Variants in SQSTM1 observed in about 807,000 individuals in gnomAD.
SQSTM1 encodes the protein sequestosome-1.
A neutral mutation model predicts 45.1 loss-of-function variants in SQSTM1; 36 were observed. The observed-to-expected ratio is 0.80, with a 90% CI of 0.61 to 1.05. The LOEUF (loss-of-function observed/expected upper bound fraction) is 1.05. SQSTM1 is among the 50% of genes least tolerant of loss of function. The probability of loss-of-function intolerance (pLI) is 0.00; values close to 1 mark genes in which losing one functional copy is unlikely to be tolerated. For missense variants in SQSTM1, 617 were observed against 607.1 expected (o/e 1.02, Z -0.17); for synonymous variants, 290 against 244.3 (o/e 1.19, Z -1.74).
chr5:179,809,041 T>TA (rs1442448930), intron 1 of SQSTM1, among the ~76,000 whole-genome samples: 3 of 150,054 alleles, frequency 2.0e-5, no homozygotes, highest in Non-Finnish European at 3.0e-5. Flanking sequence ...GTATTTTTAT[T>TA]AGAGACGGGG....
At position 179,837,780 on chromosome 5, in the gene SQSTM1, G is replaced by A; in HGVS notation, c.*1187G>A. The A allele has an allele frequency of 5.6e-6, 9 of 1,614,186 alleles. No individual in the cohort carries two copies. Among genetic ancestry groups the A allele is most frequent in the Non-Finnish European group, 7.6e-6 (9 of 1,180,026 alleles). ...GTAACCTGCTGGATGGGACTCCATA[G>A]CTCCTTCCCAGGACCCCTCAGCTCC... On this transcript the variant is annotated 3_prime_UTR_variant, in exon 8 of 8. Transcript: ENST00000389805.
intron 2 of SQSTM1, chr5:179,823,543 T>C: frequency 2.7e-6 from 1 of 374,612 alleles, no homozygotes; most frequent in Non-Finnish European, 4.9e-6. Context: ...AGGGATGGGG[T>C]CTGGTGCCGT....
At chr5:179,829,819 G>C (rs1192423393) in intron 5 of SQSTM1, among the ~76,000 whole-genome samples, 1 of 152,086 alleles carries the variant, frequency 6.6e-6, no homozygotes, top group East Asian at 1.9e-4. Context: ...CTTGGCACCA[G>C]GCATGGTGGC....
intron 5 of SQSTM1, among the ~76,000 whole-genome samples, chr5:179,827,779 G>C (rs538137727): frequency 6.6e-6 from 1 of 152,356 alleles, no homozygotes; most frequent in Non-Finnish European, 1.5e-5. Context: ...TTCTTTATGA[G>C]GAACTATAAG....
chr5:179,818,012 CAAAAAAAA>C (rs528143529), upstream of SQSTM1, among the ~76,000 whole-genome samples: 21 of 29,188 alleles, frequency 7.2e-4, 1 homozygote, highest in South Asian at 5.4e-3. Context: ...GAGACTGTCT[CAAAAAAAA>C]AAAAAAAAAA....
At chr5:179,833,859 C>T in intron 7 of SQSTM1, 77 bp downstream of exon 7, 4 of 1,501,458 alleles carry the variant, frequency 2.7e-6, no homozygotes, top group Non-Finnish European at 3.7e-6. Flanking sequence ...ATTTCAGCGA[C>T]ACAAACAGAA....
intron 5 of SQSTM1, among the ~76,000 whole-genome samples, chr5:179,825,790 G>T (rs1353125351): frequency 6.6e-6 from 1 of 152,068 alleles, no homozygotes; most frequent in African/African-American, 2.4e-5. Flanking sequence ...GGTGCCACCT[G>T]ACCCCAGGCA....
chr5:179,833,304 T>TGCACCTCCGCCTCATCCTCA, intron 6 of SQSTM1, 58 bp downstream of exon 6: 1 of 1,477,030 alleles, frequency 6.8e-7, no homozygotes. Context: ...ATCTGTGGCC[T>TGCACCTCCGCCTCATCCTCA]GCACCTCCGC....
At chr5:179,834,102 G>A (rs995452982) in intron 7 of SQSTM1, among the ~76,000 whole-genome samples, 15 of 151,196 alleles carry the variant, frequency 9.9e-5, no homozygotes, top group African/African-American at 3.2e-4. Flanking sequence ...GGCAGCACTG[G>A]GTGTGTCCCT....
At chr5:179,828,109 TAA>T (rs1561601204) in intron 5 of SQSTM1, among the ~76,000 whole-genome samples, 3 of 152,154 alleles carry the variant, frequency 2.0e-5, no homozygotes. Flanking sequence ...GTCTTTTTTT[TAA>T]GTGAAAGCAC....
intron 5 of SQSTM1, 76 bp from the exon 6 acceptor site, chr5:179,832,956 C>T: frequency 6.7e-7 from 1 of 1,481,572 alleles, no homozygotes; most frequent in Non-Finnish European, 9.4e-7. Context: ...TCTGTAGTCT[C>T]CACAGGCCAA....
In SQSTM1 at chr5:179,824,182, G is replaced by T; in HGVS notation, c.532G>T (p.Gly178Cys). ...FPSPFGHLSE[G>C]FSHSRWLRKV... The stretch of plus-strand genomic sequence containing the variant: ...GCCGCTCTGCTAATTCCTCCCCCAG[G>T]GCTTCTCGCACAGCCGCTGGCTCCG... The change falls in exon 4 of 8, where the codon GGC becomes TGC. Residue 178 changes from glycine to cysteine, a missense_variant and splice_region_variant. Transcript: ENST00000389805. The T allele has an allele frequency of 6.2e-7, 1 of 1,613,788 alleles. No homozygotes were observed.
chr5:179,832,919 G>A, intron 5 of SQSTM1, 113 bp from the exon 6 acceptor site: 5 of 1,079,100 alleles, frequency 4.6e-6, no homozygotes, highest in Non-Finnish European at 7.1e-6. Flanking sequence ...GCTGCTTGTG[G>A]GGACTGAACG....
In SQSTM1 at chr5:179,836,697, T is replaced by G. The variant is rs1160928698; in HGVS notation, c.*104T>G. On this transcript the variant is annotated 3_prime_UTR_variant, in exon 8 of 8. Coordinates refer to ENST00000389805, the MANE Select transcript of SQSTM1 (RefSeq NM_003900.5). ...GTACGGGCCAGTTTCTCTGCCTTCT[T>G]CCAGGATCAGGGGTTAGGGTGCAAG... 2.6e-6 allele frequency: 4 copies of G among 1,567,598 alleles called. No individual in the cohort carries two copies. The highest frequency in any genetic ancestry group is 3.5e-6 in the Non-Finnish European group (4 of 1,139,444).
Position 179,806,408 on chromosome 5 carries a change from T to C in SQSTM1, c.-340T>C, listed in dbSNP as rs1757158161. Reference sequence around the variant, plus strand: ...CGCCTGCGTCGGCTTCCGGCCGCCTTCCGCGGCCACCGCCGGGCCCGCTCC... The same window carrying C: ...CGCCTGCGTCGGCTTCCGGCCGCCTCCCGCGGCCACCGCCGGGCCCGCTCC... On this transcript the variant is annotated 5_prime_UTR_variant, in exon 1 of 6. Transcript: ENST00000514093. The surrounding 1 kb of genome is among the most constrained non-coding windows in gnomAD (Gnocchi z 4.6). The C allele has an allele frequency of 3.2e-6, 3 of 928,154 alleles. No individual in the cohort carries two copies. The highest frequency in any genetic ancestry group is 4.0e-6 in the Non-Finnish European group (3 of 751,452). 57.5% of individuals were successfully genotyped at this position (928,154 alleles called of 1,614,324 possible).
At chr5:179,816,599 G>A (rs1396799630), upstream of SQSTM1, among the ~76,000 whole-genome samples, 1 of 152,250 alleles carries the variant, frequency 6.6e-6, no homozygotes, top group Admixed American at 6.5e-5. Context: ...TCTGTCTGGC[G>A]CTGGCGCTCC....
chr5:179,823,199 C>T (rs1171887368), intron 2 of SQSTM1, 146 bp downstream of exon 2: 1 of 800,922 alleles, frequency 1.2e-6, no homozygotes, highest in Admixed American at 2.0e-5. Flanking sequence ...CCAGGTGTGG[C>T]TCACGCCTGT....
rs1758687224 is a variant in SQSTM1, at chr5:179,837,971, G to A, written c.*1378G>A. On this transcript the variant is annotated 3_prime_UTR_variant, in exon 8 of 8. Transcript: ENST00000389805. ...CGCCTGCCCTGCCTGGGCCTTGGCTGGGCCTCTGGTTCTGACACTTTCTGC... is the reference window on the plus strand; with the variant it reads ...CGCCTGCCCTGCCTGGGCCTTGGCTAGGCCTCTGGTTCTGACACTTTCTGC... 3 of 1,339,732 alleles carry A rather than the reference G, an allele frequency of 2.2e-6. No individual in the cohort carries two copies. The highest frequency in any genetic ancestry group is 3.0e-6 in the Non-Finnish European group (3 of 984,254). The allele number at this position is 1,339,732 out of a possible 1,614,324, so 83.0% of individuals were successfully genotyped here. A position where few individuals can be genotyped will look rare whatever the true frequency, so the allele number is the denominator to read the frequency against.
intron 5 of SQSTM1, among the ~76,000 whole-genome samples, chr5:179,830,193 C>G (rs374616095): frequency 1.3e-5 from 2 of 152,176 alleles, no homozygotes; most frequent in South Asian, 4.1e-4. Context: ...AGATTGAAAG[C>G]GGCCCTGACA....
Sources: gnomAD v4.1 joint callset for allele counts (sites outside exome capture counted in the v4.1 genomes callset) on GRCh38, gnomAD v4.1.1 for gene constraint, Gnocchi (gnomAD v3.1) non-coding constraint, MANE v1.5 for transcripts, NCBI Gene and HGNC (gene_info 2026-07-23, HGNC 2026-07-21) for gene names.